Variants in C12orf57 observed in about 807,000 individuals in gnomAD.
C12orf57 encodes the protein protein C10.
In C12orf57, 14 loss-of-function variants were observed where a neutral mutation model predicts 11.3. The observed-to-expected ratio is 1.24, with a 90% CI of 0.82 to 1.94. The LOEUF is 1.94. Among genes scored for constraint, C12orf57 ranks in the 30% most tolerant of loss-of-function variants. The pLI is 0.00. For missense variants in C12orf57, 229 were observed against 172.4 expected (o/e 1.33, Z -1.84); for synonymous variants, 100 against 74.6 (o/e 1.34, Z -1.76).
chr12:6,945,706 C>A, intron 2 of C12orf57, 65 bp from the exon 3 acceptor site: 1 of 1,549,848 alleles, frequency 6.5e-7, no homozygotes, highest in Non-Finnish European at 8.8e-7. Flanking sequence ...GACTACCACC[C>A]CCTCCAGGTG....
upstream of C12orf57, chr12:6,943,846 G>GT (rs1371704028): frequency 1.1e-5 from 10 of 902,024 alleles, no homozygotes; most frequent in Non-Finnish European, 1.4e-5. Flanking sequence ...AATTTGTCTA[G>GT]TAGGCTTTCT....
Position 6,944,044 on chromosome 12 carries a change from G to A in C12orf57, c.-78G>A, listed in dbSNP as rs782511962. On this transcript the variant is annotated 5_prime_UTR_variant, in exon 1 of 3. Transcript: ENST00000229281. ...TTTCCTTTCCGCTCCCAGGGGCGTT[G>A]GGAACGGTTGTAGGACGTGGCTCTT... 7.4e-5 allele frequency: 120 copies of A among 1,611,442 alleles called. No homozygotes were observed. Among genetic ancestry groups the A allele is most frequent in the Non-Finnish European group, 9.4e-5 (111 of 1,179,724 alleles).
upstream of C12orf57, chr12:6,943,825 A>C: frequency 1.2e-6 from 1 of 853,986 alleles, no homozygotes; most frequent in Non-Finnish European, 1.7e-6. Flanking sequence ...GCAGTGTTAC[A>C]GCTCTTTTAG....
intron 1 of C12orf57, 125 bp downstream of exon 1, chr12:6,944,298 ATG>A (rs1945733455): frequency 6.3e-7 from 1 of 1,593,738 alleles, no homozygotes; most frequent in African/African-American, 1.3e-5. Flanking sequence ...CGCCGGGAAA[ATG>A]GGGTAGGGGA....
At chr12:6,944,195 G>T in intron 1 of C12orf57, 22 bp downstream of exon 1, 1 of 1,565,970 alleles carries the variant, frequency 6.4e-7, no homozygotes, top group South Asian at 1.1e-5. Flanking sequence ...CCTAGTCAAG[G>T]CATAGGCTGC....
In C12orf57 at chr12:6,944,180, A is replaced by G. The variant is rs1555145855; in HGVS notation, c.52+7A>G. 1.2e-6 allele frequency: 2 copies of G among 1,614,024 alleles called. No individual in the cohort carries two copies. The highest frequency in any genetic ancestry group is 2.7e-5 in the African/African-American group (2 of 74,942). On this transcript the variant is annotated splice_region_variant and intron_variant, in intron 1 of 2. Transcript: ENST00000229281. Reference sequence around the variant, plus strand: ...AGCGCTGAGCAAGCAAAGGGTGAGAATCGTCCTAGTCAAGGCATAGGCTGC... The same window carrying G: ...AGCGCTGAGCAAGCAAAGGGTGAGAGTCGTCCTAGTCAAGGCATAGGCTGC...
rs782133658 is a variant in C12orf57, at chr12:6,944,506, C to G, written c.83C>G (p.Ser28Cys). The change falls in exon 2 of 3, where the codon TCC becomes TGC. Residue 28 changes from serine to cysteine, a missense_variant. Physicochemically the swap from Ser to Cys is moderately radical, Grantham distance 112 (BLOSUM62 -1). Transcript: ENST00000229281. ...VVLAEVIQAF[S>C]APENAVRMDE... ...CTCGCGGAGGTGATCCAGGCGTTCTCCGCCCCGGAGAATGCAGTGCGCATG... is the reference window on the plus strand; with the variant it reads ...CTCGCGGAGGTGATCCAGGCGTTCTGCGCCCCGGAGAATGCAGTGCGCATG... The G allele has an allele frequency of 6.2e-6, 10 of 1,613,182 alleles. No individual in the cohort carries two copies. Among genetic ancestry groups the G allele is most frequent in the South Asian group, 2.2e-5 (2 of 91,032 alleles).
rs201874669 is a variant in C12orf57 at position 6,944,102 on chromosome 12, C to G, written c.-20C>G. On this transcript the variant is annotated 5_prime_UTR_variant, in exon 1 of 3. Transcript: ENST00000229281. The stretch of plus-strand genomic sequence containing the variant: ...GAGTTTTCCATTTACCTCCGCTGAA[C>G]CTAGAGCTTCAGACGCCCTATGGCG... 1.2e-5 allele frequency: 19 copies of G among 1,614,054 alleles called. No individual in the cohort carries two copies. Among genetic ancestry groups the G allele is most frequent in the Non-Finnish European group, 1.6e-5 (19 of 1,180,004 alleles).
rs1201784165 is a variant in C12orf57, at chr12:6,944,588, G to A, written c.165G>A (p.Leu55=). 3 of 1,614,076 alleles carry A rather than the reference G, an allele frequency of 1.9e-6. No individual in the cohort carries two copies. Among genetic ancestry groups the A allele is most frequent in the Non-Finnish European group, 2.5e-6 (3 of 1,180,036 alleles). The change falls in exon 2 of 3, where the codon CTG becomes CTA. Residue 55 remains leucine (L), a synonymous_variant. Coordinates refer to ENST00000229281, the MANE Select transcript of C12orf57 (RefSeq NM_138425.4). ...NDMGKMLQFV[L]PVATQIQQEV... is the part of the protein sequence containing the mutation. Reference sequence around the variant, plus strand: ...TGGGTAAGATGCTGCAATTCGTGCTGCCCGTGGCCACGCAGATCCAGCAGG... The same window carrying A: ...TGGGTAAGATGCTGCAATTCGTGCTACCCGTGGCCACGCAGATCCAGCAGG...
intron 2 of C12orf57, 60 bp downstream of exon 2, chr12:6,944,712 G>A (rs1555146115): frequency 6.3e-7 from 1 of 1,597,746 alleles, no homozygotes; most frequent in Non-Finnish European, 8.6e-7. Context: ...GTCGGGAGAG[G>A]GCGCCGGATC....
intron 2 of C12orf57, 136 bp downstream of exon 2, chr12:6,944,788 C>A: frequency 6.6e-7 from 1 of 1,518,220 alleles, no homozygotes. Flanking sequence ...GACTAACATT[C>A]TTGGCACTCA....
rs112297142 is a variant in C12orf57, at chr12:6,945,768, C to G, written c.230-3C>G. ...AGGGTTGACCTTCCACTCCCTCTTG[C>G]AGGTGTCCTTAAGTTTGCTCGCTTG... is the stretch of plus-strand genomic sequence containing the variant. On this transcript the variant is annotated splice_region_variant and splice_polypyrimidine_tract_variant and intron_variant, in intron 2 of 2. Transcript: ENST00000229281. 1 of 1,613,442 alleles carries G rather than the reference C, an allele frequency of 6.2e-7. No homozygotes were observed. The highest frequency in any genetic ancestry group is 8.5e-7 in the Non-Finnish European group (1 of 1,179,774).
chr12:6,943,972 TGAAG>T, upstream of C12orf57: 1 of 1,563,488 alleles, frequency 6.4e-7, no homozygotes, highest in Non-Finnish European at 8.6e-7. Flanking sequence ...GCTTGGGGTA[TGAAG>T]GTTTGGGCCA....
At chr12:6,945,191 C>A (rs782737528) in intron 2 of C12orf57, 2 of 195,548 alleles carry the variant, frequency 1.0e-5, no homozygotes, top group Non-Finnish European at 2.1e-5. Context: ...GGATGGTCAA[C>A]CTGTACTGTT....
upstream of C12orf57, chr12:6,943,791 A>G (rs782688872): frequency 1.4e-5 from 13 of 935,930 alleles, no homozygotes; most frequent in Non-Finnish European, 1.7e-5. Context: ...TTTATATCCC[A>G]TCTTCTCTCC....
chr12:6,943,811 C>T (rs76168000), upstream of C12orf57: 4,806 of 858,098 alleles, frequency 5.6e-3, 131 homozygotes, highest in African/African-American at 0.061. Flanking sequence ...CAAACACATA[C>T]GCAGCAGTGT....
chr12:6,943,983 G>T (rs1454881159), upstream of C12orf57: 20 of 1,578,840 alleles, frequency 1.3e-5, no homozygotes, highest in East Asian at 4.5e-5. Context: ...GAAGGTTTGG[G>T]CCACGCCTGG....
At chr12:6,943,977 G>C (rs144923905), upstream of C12orf57, 7 of 1,574,432 alleles carry the variant, frequency 4.4e-6, no homozygotes, top group African/African-American at 2.7e-5. Flanking sequence ...GGGTATGAAG[G>C]TTTGGGCCAC....
Position 6,944,573 on chromosome 12 carries a change from G to A in C12orf57, c.150G>A (p.Met50Ile). The A allele has an allele frequency of 6.2e-7, 1 of 1,614,182 alleles. No individual in the cohort carries two copies. Among genetic ancestry groups the A allele is most frequent in the Non-Finnish European group, 8.5e-7 (1 of 1,180,046 alleles). Reference protein sequence around the residue: ...RDNACNDMGKMLQFVLPVATQ... With the variant: ...RDNACNDMGKILQFVLPVATQ... ...ACGCCTGCAACGACATGGGTAAGAT[G>A]CTGCAATTCGTGCTGCCCGTGGCCA... The change falls in exon 2 of 3, where the codon ATG (methionine) becomes ATA (isoleucine). Residue 50 changes from methionine (M) to isoleucine (I), a missense_variant. Physicochemically the swap from Met to Ile is conservative, Grantham distance 10. Transcript: ENST00000229281.
Sources: gnomAD v4.1 joint callset for allele counts on GRCh38, gnomAD v4.1.1 for gene constraint, MANE v1.5 for transcripts, NCBI Gene and HGNC (gene_info 2026-07-23, HGNC 2026-07-21) for gene names.